Variants in SMC4 observed in about 807,000 individuals in gnomAD.
SMC4 encodes structural maintenance of chromosomes 4.
A neutral mutation model predicts 145.6 loss-of-function variants in SMC4; 87 were observed. The ratio of observed to expected loss-of-function variants is 0.60; its 90% CI spans 0.50 to 0.71. The LOEUF (loss-of-function observed/expected upper bound fraction) is 0.71. Ranked by LOEUF, SMC4 falls within the 30% of genes least tolerant of loss-of-function variation. The pLI is 0.00. For synonymous variants in SMC4, 558 were observed against 500.7 expected, an observed-to-expected ratio of 1.11 and a Z score of -1.53; for missense variants, 1,447 against 1,537.1, an observed-to-expected ratio of 0.94 and a Z score of 0.98.
At chr3:160,433,569 T>C in intron 23 of SMC4, 88 bp from the exon 24 acceptor site, 2 of 769,946 alleles carry the variant, frequency 2.6e-6, no homozygotes, top group Non-Finnish European at 2.1e-6. Flanking sequence ...CAATGTAATG[T>C]TTATTGTCCA....
intron 4 of SMC4, 64 bp downstream of exon 4, chr3:160,402,931 A>G (rs2108446014): frequency 8.2e-7 from 1 of 1,226,916 alleles, no homozygotes; most frequent in Non-Finnish European, 1.1e-6. Context: ...TGCATTACAT[A>G]TTTTATTTTT....
intron 17 of SMC4, among the ~76,000 whole-genome samples, chr3:160,426,816 A>AG (rs1379624777): frequency 6.6e-6 from 1 of 152,140 alleles, no homozygotes; most frequent in Non-Finnish European, 1.5e-5. Context: ...TCTTAATGGG[A>AG]GAAGGGATAG....
Position 160,404,412 on chromosome 3 carries a change from A to G in SMC4, c.595A>G (p.Ile199Val), listed in dbSNP as rs376600486. 43 of 1,612,266 alleles carry G rather than the reference A, an allele frequency of 2.7e-5. 1 individual carries two copies. Among genetic ancestry groups the G allele is most frequent in the Middle Eastern group, 3.3e-4 (2 of 6,076 alleles). The change falls in exon 5 of 24, where the codon ATA becomes GTA. Residue 199 changes from isoleucine to valine, a missense_variant. Physicochemically the swap from Ile to Val is conservative, Grantham distance 29. Transcript: ENST00000357388. ...ACRDNTSVYHISGKKKTFKDV... is the reference protein window; with the variant it reads ...ACRDNTSVYHVSGKKKTFKDV... ...CAGAGATAATACTTCTGTCTATCAC[A>G]TAAGTGGAAAGAAAAAGACATTTAA...
chr3:160,431,688 G>A lies in SMC4; in HGVS notation c.3160G>A (p.Glu1054Lys). 1 of 1,610,030 alleles carries A rather than the reference G, an allele frequency of 6.2e-7. No individual in the cohort carries two copies. Among genetic ancestry groups the A allele is most frequent in the Non-Finnish European group, 8.5e-7 (1 of 1,179,150 alleles). Residue 1054 changes from glutamate to lysine, a missense_variant, in exon 21 of 24, where the codon GAG (glutamate) becomes AAG (lysine). Physicochemically the swap from Glu to Lys is moderately conservative, Grantham distance 56. Transcript: ENST00000357388. ...TCCTATAGAAGATAATCCTATTGAA[G>A]AGATTTCGGTTCTAAGCCCAGAGGA... ...LHPIEDNPIEEISVLSPEDLE... is the reference protein window; with the variant it reads ...LHPIEDNPIEKISVLSPEDLE...
Position 160,434,010 on chromosome 3 carries a change from T to TA in SMC4, c.*203dup. On this transcript the variant is annotated 3_prime_UTR_variant, in exon 24 of 24. Coordinates refer to ENST00000357388, the MANE Select transcript of SMC4 (RefSeq NM_001002800.3). ...AGATTACAAAAATATGACAATCTTG[T>TA]AAGTAGCAGACTATGGAGAAAAATG... 2.4e-6 allele frequency: 1 copy of TA among 412,850 alleles called. No homozygotes were observed. The highest frequency in any genetic ancestry group is 4.3e-6 in the Non-Finnish European group (1 of 233,800). 25.6% of individuals were successfully genotyped at this position (412,850 alleles called of 1,614,324 possible). A position where few individuals can be genotyped will look rare whatever the true frequency, so the allele number is the denominator to read the frequency against.
intron 22 of SMC4, 44 bp from the exon 23 acceptor site, chr3:160,432,982 T>C: frequency 1.4e-6 from 2 of 1,389,244 alleles, no homozygotes; most frequent in Middle Eastern, 1.8e-4. Context: ...GTCTTAACTT[T>C]AGCTTTACAG....
At chr3:160,432,154 A>G (rs1188176484) in intron 21 of SMC4, 129 bp from the exon 22 acceptor site, 1 of 720,890 alleles carries the variant, frequency 1.4e-6, no homozygotes, top group East Asian at 2.8e-5. Flanking sequence ...GTGAGCCGAG[A>G]TCGCGCCATT....
At position 160,424,938 on chromosome 3, in the gene SMC4, A is replaced by G. The variant is rs1346041669; in HGVS notation, c.2397A>G (p.Gln799=). ...KAMQIQEQKV[Q]LEERVVKLRH... is the part of the protein sequence containing the mutation. ...TGCAAATCCAAGAACAGAAAGTACA[A>G]CTTGAAGAAAGAGTAGTTAAGTTAC... Residue 799 remains glutamine (Q), a synonymous_variant, in exon 16 of 24, where the codon CAA becomes CAG. Coordinates refer to ENST00000357388, the MANE Select transcript of SMC4 (RefSeq NM_001002800.3). The G allele has an allele frequency of 3.1e-6, 5 of 1,613,992 alleles. No homozygotes were observed. The African/African-American group carries it at 4.0e-5, about 13-fold the overall frequency.
Position 160,420,880 on chromosome 3 carries a change from A to C in SMC4, c.1998A>C (p.Ala666=). ...NFLKRQNIGV[A]TFIGLDKMAV... is the part of the protein sequence containing the mutation. Reference sequence around the variant, plus strand: ...TTAAAAGACAAAATATTGGAGTTGCAACCTTTATAGGTTTAGATAAGGTGG... The same window carrying C: ...TTAAAAGACAAAATATTGGAGTTGCCACCTTTATAGGTTTAGATAAGGTGG... Residue 666 remains alanine, a synonymous_variant, in exon 13 of 24, where the codon GCA becomes GCC. Coordinates refer to ENST00000357388, the MANE Select transcript of SMC4 (RefSeq NM_001002800.3). 6.2e-7 allele frequency: 1 copy of C among 1,612,622 alleles called. No individual in the cohort carries two copies. Among genetic ancestry groups the C allele is most frequent in the Non-Finnish European group, 8.5e-7 (1 of 1,179,486 alleles).
At chr3:160,420,193 G>A (rs902599141) in intron 12 of SMC4, among the ~76,000 whole-genome samples, 3 of 152,156 alleles carry the variant, frequency 2.0e-5, no homozygotes, top group African/African-American at 7.2e-5. Flanking sequence ...GGCTGAAGGT[G>A]GAGAGTCAAA....
At chr3:160,432,825 C>T (rs1718554881) in intron 22 of SMC4, 2 of 544,498 alleles carry the variant, frequency 3.7e-6, no homozygotes, top group Non-Finnish European at 6.5e-6. Flanking sequence ...CTCTTTAAAT[C>T]TTAAAACTTT....
intron 5 of SMC4, among the ~76,000 whole-genome samples, chr3:160,405,255 G>T (rs1715198201): frequency 6.6e-6 from 1 of 151,522 alleles, no homozygotes; most frequent in African/African-American, 2.4e-5. Flanking sequence ...TATTCTACCA[G>T]CATGGCTTGG....
chr3:160,418,270 A>G lies in SMC4; in HGVS notation c.1671+314A>G, dbSNP rs143607561. Among the ~76,000 whole-genome samples, 1,120 of 152,342 alleles carry G rather than the reference A, an allele frequency of 7.4e-3. 9 individuals carry two copies. The highest frequency in any genetic ancestry group is 0.024 in the Admixed American group (371 of 15,298). Reference sequence around the variant, plus strand: ...ACAATTTAAAGATAAATAAAAAACAAGTGTATATGTATTTATATAATGAAT... The same window carrying G: ...ACAATTTAAAGATAAATAAAAAACAGGTGTATATGTATTTATATAATGAAT... On this transcript the variant is annotated intron_variant, in intron 11 of 23. Transcript: ENST00000357388.
In SMC4 at chr3:160,404,439, G is replaced by A; in HGVS notation, c.622G>A (p.Asp208Asn). 6.2e-7 allele frequency: 1 copy of A among 1,611,830 alleles called. No homozygotes were observed. The highest frequency in any genetic ancestry group is 8.5e-7 in the Non-Finnish European group (1 of 1,179,244). The change falls in exon 5 of 24, where the codon GAT becomes AAT. Residue 208 changes from aspartate to asparagine, a missense_variant. Physicochemically the swap from Asp to Asn is conservative, Grantham distance 23. Transcript: ENST00000357388. ...AAGTGGAAAGAAAAAGACATTTAAG[G>A]ATGTTGGAAATCTTCTTCGAAGCCA... is the stretch of plus-strand genomic sequence containing the variant. Reference protein sequence around the residue: ...HISGKKKTFKDVGNLLRSHGI... With the variant: ...HISGKKKTFKNVGNLLRSHGI...
chr3:160,432,200 TCAAAA>T (rs1175542865), intron 21 of SMC4, 78 bp from the exon 22 acceptor site: 7 of 1,145,174 alleles, frequency 6.1e-6, no homozygotes, highest in Non-Finnish European at 8.8e-6. Context: ...AGACTACGTC[TCAAAA>T]CAAAGTAATA....
At chr3:160,401,216 T>A (rs1005615264) in intron 2 of SMC4, among the ~76,000 whole-genome samples, 18 of 151,744 alleles carry the variant, frequency 1.2e-4, no homozygotes, top group Admixed American at 4.6e-4. Context: ...TTGTGACCTG[T>A]GGAATGGTAC....
In SMC4 at chr3:160,425,036, G is replaced by GTGTGCGTGTT; in HGVS notation, c.2478+21_2478+22insCGTGTTTGTG. On this transcript the variant is annotated intron_variant, in intron 16 of 23. Coordinates refer to ENST00000357388, the MANE Select transcript of SMC4 (RefSeq NM_001002800.3). ...AGCATCCAGGTATGTGTGTGTGTGT[G>GTGTGCGTGTT]TGTGTGTGTGTGTGTGTACTGAAAC... 6.4e-7 allele frequency: 1 copy of GTGTGCGTGTT among 1,562,728 alleles called. No individual in the cohort carries two copies. The highest frequency in any genetic ancestry group is 8.7e-7 in the Non-Finnish European group (1 of 1,152,884).
chr3:160,403,002 T>A, intron 4 of SMC4, 135 bp downstream of exon 4: 1 of 626,688 alleles, frequency 1.6e-6, no homozygotes, highest in Non-Finnish European at 2.6e-6. Context: ...TCTCTGACCG[T>A]ATTTTATTTT....
At chr3:160,414,023 T>G (rs1326607559) in intron 8 of SMC4, 1 of 348,866 alleles carries the variant, frequency 2.9e-6, no homozygotes, top group African/African-American at 2.2e-5. Context: ...ATAAAAAAAT[T>G]TGTATAGTAA....
Sources: allele counts gnomAD v4.1 joint callset (sites outside exome capture counted in the v4.1 genomes callset), GRCh38; gene constraint gnomAD v4.1.1; transcripts MANE v1.5; gene names NCBI Gene and HGNC (gene_info 2026-07-23, HGNC 2026-07-21).